The following NBEA variants were observed in gnomAD, a reference collection of about 807,000 sequenced individuals.
NBEA encodes the protein neurobeachin, also known as lysosomal-trafficking regulator 2.
NBEA carries 44 observed loss-of-function variants against 343.4 expected under a neutral mutation model. The observed-to-expected ratio is 0.13, with a 90% CI of 0.10 to 0.16. The LOEUF (loss-of-function observed/expected upper bound fraction) is 0.16. NBEA is among the 10% of genes least tolerant of loss of function. The pLI is 1.00. For missense variants in NBEA, 2,555 were observed against 3,631.3 expected (o/e 0.70, Z 7.62); for synonymous variants, 1,175 against 1,238.7 (o/e 0.95, Z 1.08).
At chr13:35,654,284 T>A (rs2153081304) in intron 53 of NBEA, among the ~76,000 whole-genome samples, 1 of 152,284 alleles carries the variant, frequency 6.6e-6, no homozygotes, top group African/African-American at 2.4e-5. Flanking sequence ...CCTCCCCTGC[T>A]AGCCCTTTCT....
At chr13:35,269,304 A>G (rs2033944149) in intron 34 of NBEA, among the ~76,000 whole-genome samples, 1 of 152,178 alleles carries the variant, frequency 6.6e-6, no homozygotes, top group Non-Finnish European at 1.5e-5. Flanking sequence ...TCAGAAAAAT[A>G]GGACCTGAAG....
At chr13:35,436,834 A>G (rs904843675) in intron 39 of NBEA, among the ~76,000 whole-genome samples, 7 of 152,240 alleles carry the variant, frequency 4.6e-5, no homozygotes, top group African/African-American at 1.7e-4. Flanking sequence ...TTTTAGGTAC[A>G]AAAGAACATT....
At position 35,282,058 on chromosome 13, in the gene NBEA, G is replaced by A. The variant is rs1189723130; in HGVS notation, c.5777-8331G>A. Among the ~76,000 whole-genome samples the A allele has an allele frequency of 3.3e-5, 5 of 151,008 alleles. 1 individual carries two copies. The highest frequency in any genetic ancestry group is 3.4e-3 in the Middle Eastern group (1 of 292). ...CTCCCGAGTAGCTGAGACTACAGGC[G>A]CCTGCTACCACGCCCGGCTAATTTT... is the stretch of plus-strand genomic sequence containing the variant. On this transcript the variant is annotated intron_variant, in intron 34 of 58. Transcript: ENST00000379939.
intron 44 of NBEA, 114 bp downstream of exon 44, chr13:35,555,216 A>G (rs1355508051): frequency 3.7e-6 from 2 of 539,174 alleles, no homozygotes; most frequent in East Asian, 6.6e-5. Flanking sequence ...CATTAGAGTA[A>G]ATTTTGAAGC....
chr13:35,338,225 A>G (rs67597760), intron 36 of NBEA, among the ~76,000 whole-genome samples: 16,272 of 151,864 alleles, frequency 0.11, 1,000 homozygotes, highest in East Asian at 0.22. Flanking sequence ...TAGAAAAAAA[A>G]GAAAGAAGAC....
chr13:35,629,032 A>C (rs901248822), intron 49 of NBEA, among the ~76,000 whole-genome samples: 2 of 152,228 alleles, frequency 1.3e-5, no homozygotes, highest in Non-Finnish European at 2.9e-5. Flanking sequence ...TGTGTTTTCA[A>C]TCTGAAATGT....
intron 10 of NBEA, among the ~76,000 whole-genome samples, chr13:35,076,689 T>C (rs2064134842): frequency 6.6e-6 from 1 of 152,082 alleles, no homozygotes; most frequent in South Asian, 2.1e-4. Flanking sequence ...TACAAATTAT[T>C]CCTTGCAGAA....
chr13:35,048,788 T>A, intron 5 of NBEA, 104 bp downstream of exon 5: 4 of 632,564 alleles, frequency 6.3e-6, no homozygotes. Flanking sequence ...TATATGTGCG[T>A]ATAATATATG....
chr13:35,331,417 A>T (rs2038919795), intron 36 of NBEA, among the ~76,000 whole-genome samples: 1 of 152,020 alleles, frequency 6.6e-6, no homozygotes, highest in South Asian at 2.1e-4. Flanking sequence ...ACATAGGGAA[A>T]ATTATTTGTC....
intron 1 of NBEA, among the ~76,000 whole-genome samples, chr13:34,984,126 A>G (rs1175369632): frequency 1.3e-5 from 2 of 152,152 alleles, no homozygotes; most frequent in Non-Finnish European, 2.9e-5. Flanking sequence ...TCTTTCCTGA[A>G]TGGTATTGCC....
chr13:35,003,728 T>C (rs2152526477), intron 1 of NBEA, among the ~76,000 whole-genome samples: 1 of 152,332 alleles, frequency 6.6e-6, no homozygotes, highest in Non-Finnish European at 1.5e-5. Flanking sequence ...TTAACTTTAA[T>C]TTTTATCTCA....
intron 43 of NBEA, among the ~76,000 whole-genome samples, chr13:35,553,521 C>T (rs2079440604): frequency 6.6e-6 from 1 of 151,960 alleles, no homozygotes; most frequent in Admixed American, 6.6e-5. Flanking sequence ...GAATGAATAA[C>T]ACTACTCAAG....
chr13:34,994,026 C>T (rs907735712), intron 1 of NBEA, among the ~76,000 whole-genome samples: 8 of 151,374 alleles, frequency 5.3e-5, no homozygotes, highest in Admixed American at 2.6e-4. Flanking sequence ...GGTGAAACCC[C>T]GTCTCTACTA....
intron 1 of NBEA, among the ~76,000 whole-genome samples, chr13:34,962,445 T>TGAGAGAACAA (rs2059691387): frequency 6.6e-6 from 1 of 152,088 alleles, no homozygotes; most frequent in African/African-American, 2.4e-5. Flanking sequence ...TTGTTCTCCC[T>TGAGAGAACAA]ACTCTGGCAA....
intron 38 of NBEA, among the ~76,000 whole-genome samples, chr13:35,388,124 C>A (rs984221262): frequency 6.6e-6 from 1 of 152,074 alleles, no homozygotes; most frequent in Admixed American, 6.6e-5. Context: ...TCCCCTCTGT[C>A]TATTCCCTAC....
rs1181287214 is a variant in NBEA, at chr13:35,581,900, GAAAAGAA to G, written c.7036-1993_7036-1987del. ...AAGTATAATTAAAAAAAAAAAAAAA[GAAAAGAA>G]AAAAAAAGAAAAATATACTGAGTTA... On this transcript the variant is annotated intron_variant, in intron 45 of 58. Transcript: ENST00000379939. 4.3e-5 allele frequency among the ~76,000 whole-genome samples: 4 copies of G among 92,782 alleles called. 1 individual carries two copies. The highest frequency in any genetic ancestry group is 1.4e-4 in the African/African-American group (4 of 29,278). The allele number at this position is 92,782 out of a possible 152,430, so 60.9% of individuals were successfully genotyped here. A position where few individuals can be genotyped will look rare whatever the true frequency, so the allele number is the denominator to read the frequency against.
chr13:35,550,433 C>T, intron 41 of NBEA, 44 bp from the exon 42 acceptor site: 1 of 1,114,204 alleles, frequency 9.0e-7, no homozygotes, highest in South Asian at 1.4e-5. Context: ...ATCTTAAATC[C>T]ATATTTTATT....
chr13:35,414,913 A>G (rs2043812952), intron 38 of NBEA, among the ~76,000 whole-genome samples: 3 of 152,260 alleles, frequency 2.0e-5, no homozygotes, highest in South Asian at 4.2e-4. Context: ...ACTTGATTCA[A>G]TGATCGCCAT....
At chr13:35,285,501 T>C (rs2035362043) in intron 34 of NBEA, among the ~76,000 whole-genome samples, 1 of 152,158 alleles carries the variant, frequency 6.6e-6, no homozygotes, top group Non-Finnish European at 1.5e-5. Context: ...CTGATCACTT[T>C]TCCTTCTGCA....
Sources: gnomAD v4.1 joint callset for allele counts (sites outside exome capture counted in the v4.1 genomes callset) on GRCh38, gnomAD v4.1.1 for gene constraint, MANE v1.5 for transcripts, NCBI Gene and HGNC (gene_info 2026-07-23, HGNC 2026-07-21) for gene names.